The following FGF1 variants were observed in gnomAD, a reference collection of about 807,000 sequenced individuals.
FGF1 encodes the protein beta-endothelial cell growth factor.
In FGF1, 9 loss-of-function variants were observed where a neutral mutation model predicts 13.4. That is an observed-to-expected ratio of 0.67 (90% CI 0.40 to 1.17). The LOEUF is 1.17. Ranked by LOEUF, FGF1 falls within the 50% of genes most tolerant of loss-of-function variation. The pLI, the probability that FGF1 is intolerant of heterozygous loss-of-function variation, is 0.01. For synonymous variants in FGF1, 93 were observed against 79.0 expected, an observed-to-expected ratio of 1.18 and a Z score of -0.94; for missense variants, 156 against 192.7, an observed-to-expected ratio of 0.81 and a Z score of 1.13.
chr5:142,635,824 C>G (rs249923), intron 1 of FGF1, among the ~76,000 whole-genome samples: 1 of 152,102 alleles, frequency 6.6e-6, no homozygotes. Flanking sequence ...TTTTCTACAT[C>G]AAGATAGAAG....
upstream of FGF1, among the ~76,000 whole-genome samples, chr5:142,690,229 G>A (rs1368107174): frequency 1.9e-4 from 29 of 151,940 alleles, no homozygotes; most frequent in Non-Finnish European, 1.5e-4. Flanking sequence ...GCTGAGGCAG[G>A]AGAATGGCGT....
intron 2 of FGF1, 88 bp downstream of exon 2, chr5:142,613,871 G>A: frequency 4.4e-6 from 6 of 1,361,394 alleles, no homozygotes; most frequent in Non-Finnish European, 6.0e-6. Flanking sequence ...GGAGAAGCAA[G>A]TACCTGTACT....
intron 1 of FGF1, among the ~76,000 whole-genome samples, chr5:142,668,768 T>G (rs1431657047): frequency 6.6e-6 from 1 of 152,242 alleles, no homozygotes; most frequent in Non-Finnish European, 1.5e-5. Context: ...GCTATTATTT[T>G]TGTTGTGATT....
chr5:142,690,325 T>C, upstream of FGF1, among the ~76,000 whole-genome samples: 1 of 151,878 alleles, frequency 6.6e-6, no homozygotes, highest in Non-Finnish European at 1.5e-5. Flanking sequence ...GGTGACAGAG[T>C]GAGACTCCGT....
intron 2 of FGF1, among the ~76,000 whole-genome samples, chr5:142,612,013 C>T (rs17223695): frequency 0.056 from 8,575 of 152,260 alleles, 267 homozygotes; most frequent in Middle Eastern, 0.075. Context: ...CCCAAGAAAC[C>T]TGTGAGGCAA....
At chr5:142,661,979 G>A (rs1452430766) in intron 1 of FGF1, among the ~76,000 whole-genome samples, 4 of 151,976 alleles carry the variant, frequency 2.6e-5, no homozygotes, top group South Asian at 4.2e-4. Context: ...CAGCCTGGGC[G>A]ACAGAGCAAG....
chr5:142,663,718 C>T (rs1342426524), intron 1 of FGF1, among the ~76,000 whole-genome samples: 1 of 152,170 alleles, frequency 6.6e-6, no homozygotes, highest in Non-Finnish European at 1.5e-5. Context: ...ACAACCTCTT[C>T]GTTCCACCTC....
rs777893181 is a variant in FGF1 at position 142,665,503 on chromosome 5, C to A, written c.-35+20454G>T. Among the ~76,000 whole-genome samples, 16 of 152,260 alleles carry A rather than the reference C, an allele frequency of 1.1e-4. No homozygotes were observed. In the East Asian group the frequency reaches 1.5e-3, roughly 15 times the overall value. On this transcript the variant is annotated intron_variant, in intron 1 of 3. Coordinates refer to ENST00000337706, the MANE Select transcript of FGF1 (RefSeq NM_000800.5). ...GCAATGAATGACCCAGGACCTCCCC[C>A]CAACAAGGCTTCTCTGTCTCTTCAT...
At chr5:142,666,154 T>G (rs1304945093) in intron 1 of FGF1, among the ~76,000 whole-genome samples, 1 of 149,820 alleles carries the variant, frequency 6.7e-6, no homozygotes, top group Non-Finnish European at 1.5e-5. Flanking sequence ...TACCCAGTGC[T>G]CACCCTTAAG....
chr5:142,593,528 A>G lies in FGF1; in HGVS notation c.*1762T>C, dbSNP rs1415039347. ...ACTAAGGAATTGTTTTTAGTTAACA[A>G]TTACTTCAATTTCATATGAAACAGG... is the stretch of plus-strand genomic sequence containing the variant. On this transcript the variant is annotated 3_prime_UTR_variant, in exon 4 of 4. Transcript: ENST00000337706. The G allele has an allele frequency of 6.6e-6, 1 of 152,216 alleles. No individual in the cohort carries two copies. The highest frequency in any genetic ancestry group is 2.4e-5 in the African/African-American group (1 of 41,448). The allele number at this position is 152,216 out of a possible 1,614,324, so 9.4% of individuals were successfully genotyped here.
chr5:142,650,701 T>G (rs1221728374), intron 1 of FGF1, among the ~76,000 whole-genome samples: 2 of 152,044 alleles, frequency 1.3e-5, no homozygotes, highest in African/African-American at 4.8e-5. Flanking sequence ...CTATGTATAC[T>G]GTGGTCTCAT....
intron 1 of FGF1, among the ~76,000 whole-genome samples, chr5:142,665,034 T>C (rs1000325030): frequency 6.6e-6 from 1 of 152,206 alleles, no homozygotes; most frequent in African/African-American, 2.4e-5. Flanking sequence ...AACAGTAACA[T>C]TGCCTTATGT....
At chr5:142,599,033 G>T (rs559114083) in intron 3 of FGF1, among the ~76,000 whole-genome samples, 1 of 152,322 alleles carries the variant, frequency 6.6e-6, no homozygotes, top group South Asian at 2.1e-4. Context: ...CAGCCACTCT[G>T]ATGGGCGCAT....
intron 1 of FGF1, among the ~76,000 whole-genome samples, chr5:142,635,228 A>G (rs1028046614): frequency 9.2e-5 from 14 of 152,190 alleles, no homozygotes; most frequent in Admixed American, 2.0e-4. Flanking sequence ...TCTTGTCCAC[A>G]GAATGGGGAT....
At chr5:142,695,659 A>G (rs1191389487) in intron 2 of FGF1, among the ~76,000 whole-genome samples, 1 of 151,990 alleles carries the variant, frequency 6.6e-6, no homozygotes, top group African/African-American at 2.4e-5. Flanking sequence ...TCCCTAATCT[A>G]TTTAGGAAGA....
At chr5:142,604,862 T>A (rs1757305659) in intron 2 of FGF1, among the ~76,000 whole-genome samples, 2 of 152,154 alleles carry the variant, frequency 1.3e-5, no homozygotes, top group Non-Finnish European at 2.9e-5. Context: ...AATGGATTGA[T>A]CCAAATCCAG....
In FGF1 at chr5:142,657,634, T is replaced by C. The variant is rs990768674; in HGVS notation, c.-35+28323A>G. On this transcript the variant is annotated intron_variant, in intron 1 of 3. Transcript: ENST00000337706. ...GGTTCCCTTTAACCCCCAGGAGACC[T>C]GGTCCACCACACTCGCCATGCTGCT... Among the ~76,000 whole-genome samples the C allele has an allele frequency of 2.6e-5, 4 of 152,388 alleles. No homozygotes were observed. The East Asian group carries it at 5.8e-4, about 22-fold the overall frequency.
At chr5:142,647,591 G>A (rs1037813848) in intron 1 of FGF1, among the ~76,000 whole-genome samples, 7 of 152,136 alleles carry the variant, frequency 4.6e-5, no homozygotes, top group Non-Finnish European at 1.0e-4. Context: ...CTGTTTAGAT[G>A]GGACCCAAAT....
In FGF1 at chr5:142,666,613, C is replaced by G. The variant is rs552946008; in HGVS notation, c.-35+19344G>C. The stretch of plus-strand genomic sequence containing the variant: ...GCATATAAAGATGTCTACATTATAA[C>G]AAGAGAAGCCAAACTCAAGCCAAGT... On this transcript the variant is annotated intron_variant, in intron 1 of 3. Coordinates refer to ENST00000337706, the MANE Select transcript of FGF1 (RefSeq NM_000800.5). Among the ~76,000 whole-genome samples, 479 of 152,250 alleles carry G rather than the reference C, an allele frequency of 3.1e-3. 2 individuals are homozygous for G. The highest frequency in any genetic ancestry group is 5.6e-3 in the Non-Finnish European group (384 of 68,030).
Sources: gnomAD v4.1 joint callset for allele counts (sites outside exome capture counted in the v4.1 genomes callset) on GRCh38, gnomAD v4.1.1 for gene constraint, MANE v1.5 for transcripts, NCBI Gene and HGNC (gene_info 2026-07-23, HGNC 2026-07-21) for gene names.